Variants in NCAPG2 observed in about 807,000 individuals in gnomAD.
NCAPG2 encodes the protein non-SMC condensin II complex subunit G2, also known as condensin-2 complex subunit G2.
In NCAPG2, 53 loss-of-function variants were observed where a neutral mutation model predicts 141.1. The observed-to-expected ratio is 0.38, with a 90% CI of 0.30 to 0.47. The LOEUF is 0.47. Among genes scored for constraint, NCAPG2 ranks in the 20% least tolerant of loss-of-function variants. The probability of loss-of-function intolerance (pLI) is 0.99; values close to 1 mark genes in which losing one functional copy is unlikely to be tolerated. For synonymous variants in NCAPG2, 499 were observed against 490.7 expected (o/e 1.02, Z -0.22); for missense variants, 1,087 against 1,389.0 (o/e 0.78, Z 3.46).
At chr7:158,690,029 A>T in intron 5 of NCAPG2, 76 bp from the exon 6 acceptor site, 1 of 1,153,578 alleles carries the variant, frequency 8.7e-7, no homozygotes, top group Non-Finnish European at 1.1e-6. Context: ...TATATTTTAT[A>T]TCATAAATAA....
At position 158,689,836 on chromosome 7, in the gene NCAPG2, A is replaced by G; in HGVS notation, c.655T>C (p.Tyr219His). The G allele has an allele frequency of 6.3e-7, 1 of 1,582,408 alleles. No homozygotes were observed. The highest frequency in any genetic ancestry group is 2.3e-5 in the East Asian group (1 of 44,436). Residue 219 changes from tyrosine (Y) to histidine (H), a missense_variant, in exon 6 of 28, where the codon TAT (tyrosine) becomes CAT (histidine). Transcript: ENST00000356309. ...MLLECFININ[Y>H]IKKEEGRRFL... Reference sequence around the variant, plus strand: ...CTATTTACCTCTTCTTTCTTGATATAATTAATATTTATGAAGCACTCAAGT... The same window carrying G: ...CTATTTACCTCTTCTTTCTTGATATGATTAATATTTATGAAGCACTCAAGT...
At chr7:158,695,056 A>C (rs1467554620) in intron 2 of NCAPG2, among the ~76,000 whole-genome samples, 1 of 152,188 alleles carries the variant, frequency 6.6e-6, no homozygotes, top group African/African-American at 2.4e-5. Context: ...AAATAAGTTA[A>C]TGGCCCGCTT....
chr7:158,654,023 C>T (rs942821162), intron 22 of NCAPG2, among the ~76,000 whole-genome samples: 3 of 152,118 alleles, frequency 2.0e-5, no homozygotes, highest in Admixed American at 1.3e-4. Context: ...CTCTTCTTTA[C>T]CAGACTGTGA....
At chr7:158,664,492 A>G (rs1211612176) in intron 14 of NCAPG2, 36 bp downstream of exon 14, 1 of 1,595,360 alleles carries the variant, frequency 6.3e-7, no homozygotes, top group East Asian at 2.2e-5. Context: ...TTGGGGGAAA[A>G]CATAACAAGA....
At chr7:158,688,101 C>CACAGAACTGGAATCCT (rs1359690979) in intron 6 of NCAPG2, among the ~76,000 whole-genome samples, 2 of 151,794 alleles carry the variant, frequency 1.3e-5, no homozygotes, top group East Asian at 3.9e-4. Flanking sequence ...CACACCACTG[C>CACAGAACTGGAATCCT]ACAGAACTGG....
At chr7:158,670,346 G>A (rs763976889) in intron 13 of NCAPG2, among the ~76,000 whole-genome samples, 4 of 152,108 alleles carry the variant, frequency 2.6e-5, no homozygotes, top group Non-Finnish European at 5.9e-5. Flanking sequence ...TGGGCAGATC[G>A]CTTGAGCCCA....
At chr7:158,694,757 C>T (rs1835341248) in intron 2 of NCAPG2, among the ~76,000 whole-genome samples, 1 of 152,072 alleles carries the variant, frequency 6.6e-6, no homozygotes, top group South Asian at 2.1e-4. Flanking sequence ...CTCCTAGCTC[C>T]TCTCCTGCCC....
At chr7:158,658,732 T>A (rs1249417792) in intron 16 of NCAPG2, among the ~76,000 whole-genome samples, 1 of 152,166 alleles carries the variant, frequency 6.6e-6, no homozygotes, top group African/African-American at 2.4e-5. Context: ...CTGTCATGAA[T>A]TGAATCTACT....
At chr7:158,697,627 T>C (rs1275608268) in intron 2 of NCAPG2, among the ~76,000 whole-genome samples, 1 of 144,168 alleles carries the variant, frequency 6.9e-6, no homozygotes, top group Non-Finnish European at 1.5e-5. Flanking sequence ...AAAGTAAAAA[T>C]AGAAAAAAGC....
rs1203462691 is a variant in NCAPG2, at chr7:158,665,506, A to G, written c.1480-756T>C. ...GGGCTCCTCACCTGCATGGTGAGCG[A>G]AACCCTCGACCTTGCATTTTTCTCA... On this transcript the variant is annotated intron_variant, in intron 13 of 27. Transcript: ENST00000356309. The G allele has an allele frequency of 2.6e-5, 4 of 152,362 alleles. No individual in the cohort carries two copies. The East Asian group carries it at 7.7e-4, about 29-fold the overall frequency. The allele number at this position is 152,362 out of a possible 1,614,324, so 9.4% of individuals were successfully genotyped here.
intron 13 of NCAPG2, among the ~76,000 whole-genome samples, chr7:158,667,427 C>T (rs1833129899): frequency 1.6e-5 from 2 of 126,156 alleles, no homozygotes; most frequent in Non-Finnish European, 1.8e-5. Flanking sequence ...TACTGGGTCC[C>T]TCCGCCCTCC....
chr7:158,650,120 C>T (rs1270626936), intron 24 of NCAPG2, among the ~76,000 whole-genome samples: 1 of 152,192 alleles, frequency 6.6e-6, no homozygotes, highest in Non-Finnish European at 1.5e-5. Context: ...ATGGCGTGAT[C>T]TCAGCTCACT....
chr7:158,703,727 G>A (rs1028270416), intron 1 of NCAPG2: 1 of 152,272 alleles, frequency 6.6e-6, no homozygotes, highest in African/African-American at 2.4e-5. Flanking sequence ...GCATTAAAAA[G>A]AAGAAATCCC....
chr7:158,683,359 A>C lies in NCAPG2; in HGVS notation c.865T>G (p.Phe289Val). Residue 289 changes from phenylalanine (F) to valine (V), a missense_variant, in exon 9 of 28, where the codon TTC becomes GTC. Phe to Val is a conservative substitution (Grantham distance 50, BLOSUM62 -1). Transcript: ENST00000356309. ...GGAAGGTGTATCCCGTGGAACATGAAGTCCTGGATGCAATCATTTTCAATC... is the reference window on the plus strand; with the variant it reads ...GGAAGGTGTATCCCGTGGAACATGACGTCCTGGATGCAATCATTTTCAATC... ...EAIENDCIQD[F>V]MFHGIHLPRR... 6.2e-7 allele frequency: 1 copy of C among 1,606,086 alleles called. No homozygotes were observed.
At chr7:158,631,777 T>C (rs1415905941) in intron 27 of NCAPG2, 60 bp from the exon 28 acceptor site, 7 of 1,320,932 alleles carry the variant, frequency 5.3e-6, no homozygotes, top group Non-Finnish European at 7.5e-6. Flanking sequence ...TATCCAAATG[T>C]ACATTTTCAA....
In NCAPG2 at chr7:158,655,325, A is replaced by G. The variant is rs1323203445; in HGVS notation, c.2505+14T>C. On this transcript the variant is annotated intron_variant, in intron 20 of 27. Coordinates refer to ENST00000356309, the MANE Select transcript of NCAPG2 (RefSeq NM_017760.7). ...CTGTGTATCATCCTAATAGAGGGCC[A>G]GGAGCAGGCACACCTTGTGCTGAAG... 1 of 1,614,208 alleles carries G rather than the reference A, an allele frequency of 6.2e-7. No individual in the cohort carries two copies. The highest frequency in any genetic ancestry group is 1.1e-5 in the South Asian group (1 of 91,084).
intron 22 of NCAPG2, among the ~76,000 whole-genome samples, chr7:158,654,253 C>A (rs1831732415): frequency 6.6e-6 from 1 of 152,180 alleles, no homozygotes; most frequent in South Asian, 2.1e-4. Flanking sequence ...CACAGGAGCA[C>A]ATGACCAGAG....
chr7:158,659,449 TCTCA>T, intron 16 of NCAPG2, among the ~76,000 whole-genome samples: 1 of 129,182 alleles, frequency 7.7e-6, no homozygotes, highest in South Asian at 2.3e-4. Flanking sequence ...GGAGTTAAGC[TCTCA>T]GAGTCAGTTT....
Position 158,686,248 on chromosome 7 carries a change from A to T in NCAPG2, c.768-7T>A, listed in dbSNP as rs571736347. 4 of 1,468,318 alleles carry T rather than the reference A, an allele frequency of 2.7e-6. No homozygotes were observed. In the South Asian group the frequency reaches 5.2e-5, roughly 19 times the overall value. The allele number at this position is 1,468,318 out of a possible 1,614,324, so 91.0% of individuals were successfully genotyped here. ...AATGTATACCATCAAAGACCTATAT[A>T]AAAAGATCAAAATAGTTTTAATGCA... On this transcript the variant is annotated splice_polypyrimidine_tract_variant and splice_region_variant and intron_variant, in intron 7 of 27. Coordinates refer to ENST00000356309, the MANE Select transcript of NCAPG2 (RefSeq NM_017760.7).
Sources: gnomAD v4.1 joint callset for allele counts (sites outside exome capture counted in the v4.1 genomes callset) on GRCh38, gnomAD v4.1.1 for gene constraint, MANE v1.5 for transcripts, NCBI Gene and HGNC (gene_info 2026-07-23, HGNC 2026-07-21) for gene names.